The following CFAP68 variants were observed in gnomAD, a reference collection of about 807,000 sequenced individuals.
CFAP68 encodes cilia- and flagella-associated protein 68.
At chr11:111,883,329 C>T in the CFAP68 span, 1 of 770,026 alleles carries the variant, frequency 1.3e-6, no homozygotes, top group Non-Finnish European at 2.1e-6. Context: ...GTGGCTCACA[C>T]CTGTAACCCC....
chr11:111,883,946 G>A, the CFAP68 span: 1 of 1,171,188 alleles, frequency 8.5e-7, no homozygotes, highest in Non-Finnish European at 1.2e-6. Context: ...AGGTTTCTAA[G>A]AAATGATAAG....
the CFAP68 span, chr11:111,881,333 G>C: frequency 6.9e-7 from 1 of 1,451,970 alleles, no homozygotes; most frequent in African/African-American, 1.4e-5. Context: ...TCTTCACAAA[G>C]GCAGATGGTA....
At chr11:111,885,325 T>G in the CFAP68 span, 1 of 151,986 alleles carries the variant, frequency 6.6e-6, no homozygotes, top group Non-Finnish European at 1.5e-5. Flanking sequence ...CAAAAAAAAT[T>G]TTTTTAAAGA....
At chr11:111,881,496 C>T in the CFAP68 span, 1 of 1,535,970 alleles carries the variant, frequency 6.5e-7, no homozygotes, top group Non-Finnish European at 8.7e-7. Flanking sequence ...ACTGGGAAAG[C>T]CAGGTTTGTT....
chr11:111,880,099 C>G, the CFAP68 span, among the ~76,000 whole-genome samples: 2 of 152,088 alleles, frequency 1.3e-5, no homozygotes, highest in African/African-American at 4.8e-5. Flanking sequence ...AATGGGGGTA[C>G]AGGTACAGGT....
At chr11:111,879,892 G>T in the CFAP68 span, among the ~76,000 whole-genome samples, 1 of 152,172 alleles carries the variant, frequency 6.6e-6, no homozygotes, top group South Asian at 2.1e-4. Flanking sequence ...CAGGGTAAAA[G>T]TGCATCTTAA....
At chr11:111,882,434 G>A in the CFAP68 span, 1 of 1,614,154 alleles carries the variant, frequency 6.2e-7, no homozygotes, top group Non-Finnish European at 8.5e-7. Context: ...AGATGGCCAT[G>A]GTGAAGTGTG....
the CFAP68 span, chr11:111,881,116 T>G: frequency 1.1e-6 from 1 of 921,536 alleles, no homozygotes; most frequent in Non-Finnish European, 1.4e-6. Flanking sequence ...CAAGACTTAG[T>G]GACTGGATGA....
chr11:111,883,772 A>T, the CFAP68 span: 1 of 1,605,714 alleles, frequency 6.2e-7, no homozygotes, highest in Non-Finnish European at 8.5e-7. Flanking sequence ...TTCCCTCAGG[A>T]TTTAAGCGAG....
chr11:111,881,461 G>C, the CFAP68 span: 3 of 1,535,896 alleles, frequency 2.0e-6, no homozygotes, highest in Non-Finnish European at 2.6e-6. Flanking sequence ...ATGGTAATCT[G>C]GGTGATTCTT....
the CFAP68 span, chr11:111,883,092 G>A: frequency 3.7e-6 from 5 of 1,363,836 alleles, no homozygotes; most frequent in East Asian, 1.2e-4. Flanking sequence ...CCTGATGTTA[G>A]CTGTAGACTT....
chr11:111,881,277 C>T, the CFAP68 span: 1 of 1,416,900 alleles, frequency 7.1e-7, no homozygotes, highest in Non-Finnish European at 9.2e-7. Flanking sequence ...GTGGCACCAG[C>T]TACTCTGGTC....
the CFAP68 span, chr11:111,884,890 C>G: frequency 6.6e-6 from 1 of 152,090 alleles, no homozygotes; most frequent in African/African-American, 2.4e-5. Flanking sequence ...GTGGCTCATG[C>G]CTGTAATCCC....
the CFAP68 span, chr11:111,881,574 A>G: frequency 3.9e-6 from 6 of 1,535,928 alleles, no homozygotes; most frequent in Non-Finnish European, 5.2e-6. Context: ...ATCTTCAAAG[A>G]GCTCAACCTA....
At chr11:111,880,374 G>A in the CFAP68 span, among the ~76,000 whole-genome samples, 2 of 152,208 alleles carry the variant, frequency 1.3e-5, no homozygotes, top group Admixed American at 1.3e-4. Flanking sequence ...TGCATTCCCA[G>A]TAAGTTAAGG....
chr11:111,882,521 C>A, the CFAP68 span: 3 of 1,614,020 alleles, frequency 1.9e-6, no homozygotes, highest in Middle Eastern at 4.9e-4. Context: ...CTATTCAAAC[C>A]GTACCCTGAT....
the CFAP68 span, among the ~76,000 whole-genome samples, chr11:111,882,783 A>T: frequency 6.6e-6 from 1 of 152,196 alleles, no homozygotes. Context: ...GTCAAGTTGA[A>T]TATTTTATTA....
At chr11:111,880,997 TG>T in the CFAP68 span, 1 of 316,136 alleles carries the variant, frequency 3.2e-6, no homozygotes, top group Non-Finnish European at 6.2e-6. Context: ...GCTGATGGCA[TG>T]GCAGGATAAA....
chr11:111,880,323 G>A, the CFAP68 span, among the ~76,000 whole-genome samples: 1 of 152,184 alleles, frequency 6.6e-6, no homozygotes, highest in Non-Finnish European at 1.5e-5. Context: ...GAGCAACTCC[G>A]TCTTGAATAG....
Sources: allele counts gnomAD v4.1 joint callset (sites outside exome capture counted in the v4.1 genomes callset), GRCh38; gene constraint gnomAD v4.1.1; transcripts MANE v1.5; gene names NCBI Gene and HGNC (gene_info 2026-07-23, HGNC 2026-07-21).